Variants in NEU3 observed in about 807,000 individuals in gnomAD.
NEU3 encodes the protein sialidase-3.
In NEU3, 10 loss-of-function variants were observed where a neutral mutation model predicts 11.4. The observed-to-expected ratio is 0.88, with a 90% CI of 0.54 to 1.49. The LOEUF (loss-of-function observed/expected upper bound fraction) is 1.49, where lower values mean the gene tolerates loss of function less well. NEU3 is among the 40% of genes most tolerant of loss of function. The pLI is 0.00. For synonymous variants in NEU3, 212 were observed against 228.2 expected, an observed-to-expected ratio of 0.93 and a Z score of 0.64; for missense variants, 529 against 581.8, an observed-to-expected ratio of 0.91 and a Z score of 0.93.
intron 1 of NEU3, among the ~76,000 whole-genome samples, chr11:74,993,773 C>T (rs1948757283): frequency 6.6e-6 from 1 of 152,138 alleles, no homozygotes; most frequent in Non-Finnish European, 1.5e-5. Context: ...TCTGCAGAGT[C>T]TGGAGGTGGC....
chr11:75,006,202 C>A lies in NEU3; in HGVS notation c.1096C>A (p.His366Asn). ...TPSESWLLYS[H>N]PTSRKQRVDL... ...GTCAGAATCATGGCTCTTGTACTCA[C>A]ACCCAACCAGTAGGAAACAGAGGGT... The change falls in exon 3 of 3, where the codon CAC becomes AAC. Residue 366 changes from histidine (H) to asparagine (N), a missense_variant. Transcript: ENST00000294064. 1 of 1,614,018 alleles carries A rather than the reference C, an allele frequency of 6.2e-7. No homozygotes were observed. The highest frequency in any genetic ancestry group is 1.1e-5 in the South Asian group (1 of 91,084).
At position 75,006,014 on chromosome 11, in the gene NEU3, G is replaced by A. The variant is rs775129462; in HGVS notation, c.908G>A (p.Arg303Gln). ...GEGFQRLALS[R>Q]QLCEPPHGCQ... ...GGCTTTCAGAGACTGGCCCTGAGTC[G>A]ACAGCTCTGTGAGCCCCCACATGGT... is the stretch of plus-strand genomic sequence containing the variant. The change falls in exon 3 of 3, where the codon CGA (arginine) becomes CAA (glutamine). Residue 303 changes from arginine to glutamine, a missense_variant. Coordinates refer to ENST00000294064, the MANE Select transcript of NEU3 (RefSeq NM_006656.6). 1.2e-5 allele frequency: 19 copies of A among 1,613,944 alleles called. No homozygotes were observed. The highest frequency in any genetic ancestry group is 2.2e-5 in the East Asian group (1 of 44,876).
At chr11:74,993,680 A>G (rs1326743789) in intron 1 of NEU3, among the ~76,000 whole-genome samples, 1 of 152,146 alleles carries the variant, frequency 6.6e-6, no homozygotes, top group Non-Finnish European at 1.5e-5. Flanking sequence ...TTATAAAGAA[A>G]AGAAATTTCT....
chr11:75,006,357 T>G lies in NEU3; in HGVS notation c.1251T>G (p.Cys417Trp). The G allele has an allele frequency of 2.5e-6, 4 of 1,613,938 alleles. No individual in the cohort carries two copies. Among genetic ancestry groups the G allele is most frequent in the Non-Finnish European group, 3.4e-6 (4 of 1,179,900 alleles). ...AALEEEGLFG[C>W]LFECGTKQEC... is the part of the protein sequence containing the mutation. ...TGGAGGAGGAGGGCTTGTTTGGGTGTTTGTTTGAATGTGGGACCAAGCAAG... is the reference window on the plus strand; with the variant it reads ...TGGAGGAGGAGGGCTTGTTTGGGTGGTTGTTTGAATGTGGGACCAAGCAAG... Residue 417 changes from cysteine to tryptophan, a missense_variant, in exon 3 of 3, where the codon TGT (cysteine) becomes TGG (tryptophan). Transcript: ENST00000294064.
At chr11:74,981,102 T>C in the NEU3 span, among the ~76,000 whole-genome samples, 1 of 152,224 alleles carries the variant, frequency 6.6e-6, no homozygotes, top group South Asian at 2.1e-4. Flanking sequence ...CCTCCTACAG[T>C]CTGTCATGCC....
chr11:74,989,954 C>T (rs1425808466), intron 1 of NEU3: 5 of 702,370 alleles, frequency 7.1e-6, no homozygotes, highest in African/African-American at 1.7e-5. Context: ...TTTTCTATCC[C>T]GTTTCCAGCA....
chr11:75,019,131 C>A (rs544472006), downstream of NEU3, among the ~76,000 whole-genome samples: 6 of 152,256 alleles, frequency 3.9e-5, no homozygotes, highest in East Asian at 3.9e-4. Flanking sequence ...TAAAGGCATT[C>A]AATTTTATAA....
At chr11:74,988,642 T>G, upstream of NEU3, 1 of 204,638 alleles carries the variant, frequency 4.9e-6, no homozygotes, top group Non-Finnish European at 9.9e-6. Flanking sequence ...CAGGGAAGCT[T>G]TAGGCGGTGA....
chr11:74,987,800 C>A (rs1189709142), upstream of NEU3, among the ~76,000 whole-genome samples: 1 of 150,972 alleles, frequency 6.6e-6, no homozygotes, highest in Non-Finnish European at 1.5e-5. Context: ...GCGGCAGAGA[C>A]ACACTCCATC....
At position 74,989,068 on chromosome 11, in the gene NEU3, C is replaced by T. The variant is rs1391836529; in HGVS notation, c.8C>T (p.Pro3Leu). The T allele has an allele frequency of 6.5e-7, 1 of 1,550,300 alleles. No homozygotes were observed. Among genetic ancestry groups the T allele is most frequent in the Admixed American group, 2.0e-5 (1 of 50,960 alleles). MR[P>L]ADLPPRPMEE... The stretch of plus-strand genomic sequence containing the variant: ...TCTTCCGGGCTTCGGCGAATGAGAC[C>T]TGCGGACCTGCCCCCGCGCCCCATG... The change falls in exon 1 of 3, where the codon CCT becomes CTT. Residue 3 changes from proline to leucine, a missense_variant. Transcript: ENST00000294064.
chr11:75,003,865 G>A (rs1168530499), intron 2 of NEU3, among the ~76,000 whole-genome samples: 3 of 151,876 alleles, frequency 2.0e-5, no homozygotes, highest in Non-Finnish European at 4.4e-5. Context: ...ACTGCAGCCT[G>A]GTTGACAGAG....
intron 2 of NEU3, among the ~76,000 whole-genome samples, chr11:74,995,232 G>A (rs975548745): frequency 9.9e-5 from 15 of 152,116 alleles, no homozygotes; most frequent in Non-Finnish European, 1.8e-4. Flanking sequence ...GGTGACAGGG[G>A]GATACCAGTA....
intron 1 of NEU3, among the ~76,000 whole-genome samples, chr11:74,994,240 A>G (rs1203480623): frequency 1.3e-5 from 2 of 152,182 alleles, no homozygotes; most frequent in African/African-American, 2.4e-5. Flanking sequence ...ACAAATGCAA[A>G]ACCGCTCTGC....
At chr11:74,984,216 T>C (rs751561558), upstream of NEU3, among the ~76,000 whole-genome samples, 9 of 152,218 alleles carry the variant, frequency 5.9e-5, no homozygotes, top group Non-Finnish European at 1.2e-4. Flanking sequence ...AGAGAGGCAC[T>C]GACTATCTTT....
intron 2 of NEU3, among the ~76,000 whole-genome samples, chr11:75,002,542 A>G (rs1168556889): frequency 1.3e-5 from 2 of 152,246 alleles, no homozygotes; most frequent in Non-Finnish European, 2.9e-5. Context: ...TGTACTCTTA[A>G]TAGCCCTTTT....
intron 2 of NEU3, among the ~76,000 whole-genome samples, chr11:74,996,709 A>G (rs954437914): frequency 2.6e-5 from 4 of 152,232 alleles, no homozygotes; most frequent in African/African-American, 7.2e-5. Flanking sequence ...TCATCAGAGT[A>G]ATCACTATCT....
the NEU3 span, among the ~76,000 whole-genome samples, chr11:74,982,948 T>C: frequency 6.6e-6 from 1 of 152,170 alleles, no homozygotes; most frequent in Non-Finnish European, 1.5e-5. Flanking sequence ...ATTTCTTGGC[T>C]GTGATCTCCA....
At position 75,017,308 on chromosome 11, in the gene NEU3, A is replaced by C. The variant is rs553491551; in HGVS notation, c.*2-1383A>C. On this transcript the variant is annotated intron_variant, in intron 3 of 3. Coordinates refer to the NEU3 transcript ENST00000529024. ...CTGAGCTTGATGGGGTGGCAGACAC[A>C]CTTATACTTGCTAAGGTGCTGAGGC... is the stretch of plus-strand genomic sequence containing the variant. Among the ~76,000 whole-genome samples, 12 of 152,254 alleles carry C rather than the reference A, an allele frequency of 7.9e-5. No individual in the cohort carries two copies. In the South Asian group the frequency reaches 2.5e-3, roughly 32 times the overall value.
chr11:75,013,346 C>T (rs1322429263), downstream of NEU3, among the ~76,000 whole-genome samples: 2 of 152,164 alleles, frequency 1.3e-5, no homozygotes, highest in Non-Finnish European at 2.9e-5. Context: ...AAATTGCCAT[C>T]CTCCCTTTGA....
Sources: allele counts gnomAD v4.1 joint callset (sites outside exome capture counted in the v4.1 genomes callset), GRCh38; gene constraint gnomAD v4.1.1; transcripts MANE v1.5; gene names NCBI Gene and HGNC (gene_info 2026-07-23, HGNC 2026-07-21).